The following RIMS2 variants were observed in gnomAD, a reference collection of about 807,000 sequenced individuals.
RIMS2 encodes the protein regulating synaptic membrane exocytosis protein 2.
A neutral mutation model predicts 174.4 loss-of-function variants in RIMS2; 59 were observed. That is an observed-to-expected ratio of 0.34 (90% CI 0.27 to 0.42). The LOEUF (loss-of-function observed/expected upper bound fraction) is 0.42. RIMS2 is among the 10% of genes least tolerant of loss of function. The probability of loss-of-function intolerance (pLI) is 1.00; values close to 1 mark genes in which losing one functional copy is unlikely to be tolerated. For synonymous variants in RIMS2, 606 were observed against 572.5 expected (o/e 1.06, Z -0.84); for missense variants, 1,620 against 1,666.3 (o/e 0.97, Z 0.48).
chr8:104,164,808 G>A (rs2135027776), intron 19 of RIMS2, among the ~76,000 whole-genome samples: 1 of 152,246 alleles, frequency 6.6e-6, no homozygotes, highest in East Asian at 1.9e-4. Flanking sequence ...TCAGAGGGCA[G>A]AGGTTGGGAG....
chr8:103,826,669 C>A (rs1176983616), intron 3 of RIMS2, among the ~76,000 whole-genome samples: 1 of 149,588 alleles, frequency 6.7e-6, no homozygotes, highest in East Asian at 1.9e-4. Context: ...TCCAGGTCTT[C>A]TGCATATATA....
intron 1 of RIMS2, among the ~76,000 whole-genome samples, chr8:103,642,497 C>T (rs948196954): frequency 2.0e-5 from 3 of 151,878 alleles, no homozygotes; most frequent in Non-Finnish European, 4.4e-5. Flanking sequence ...TTATTTTTTC[C>T]TTCCCTAATG....
At chr8:103,579,197 G>A (rs941643176) in intron 1 of RIMS2, among the ~76,000 whole-genome samples, 1 of 151,744 alleles carries the variant, frequency 6.6e-6, no homozygotes, top group Admixed American at 6.6e-5. Context: ...GAGCCTGGGA[G>A]TTCAGGACGA....
chr8:103,852,715 T>C (rs1407077079), intron 3 of RIMS2, among the ~76,000 whole-genome samples: 2 of 152,092 alleles, frequency 1.3e-5, no homozygotes, highest in Non-Finnish European at 2.9e-5. Context: ...GCTTTATTCA[T>C]GTTGCTGCAA....
chr8:103,856,781 A>T (rs1437709102), intron 3 of RIMS2, among the ~76,000 whole-genome samples: 1 of 152,106 alleles, frequency 6.6e-6, no homozygotes, highest in Non-Finnish European at 1.5e-5. Context: ...CTGGTGAAAT[A>T]GTATAGATAA....
intron 1 of RIMS2, among the ~76,000 whole-genome samples, chr8:103,597,603 A>G (rs897626412): frequency 6.6e-6 from 1 of 152,048 alleles, no homozygotes; most frequent in Non-Finnish European, 1.5e-5. Flanking sequence ...TGTCCCTAAT[A>G]ATTATCCCTC....
chr8:104,129,629 G>A (rs1405711174), intron 19 of RIMS2, among the ~76,000 whole-genome samples: 1 of 152,152 alleles, frequency 6.6e-6, no homozygotes, highest in African/African-American at 2.4e-5. Context: ...AAAGAACTGA[G>A]GACTGTTGTG....
chr8:104,225,834 C>G, intron 19 of RIMS2, among the ~76,000 whole-genome samples: 1 of 152,298 alleles, frequency 6.6e-6, no homozygotes, highest in Admixed American at 6.5e-5. Flanking sequence ...AGAGGAGACA[C>G]TCTCCATAAA....
intron 19 of RIMS2, among the ~76,000 whole-genome samples, chr8:104,094,110 T>G (rs1440360247): frequency 6.6e-6 from 1 of 152,016 alleles, no homozygotes; most frequent in Non-Finnish European, 1.5e-5. Context: ...AATTTATACA[T>G]ATAGTATATA....
chr8:103,652,888 G>C (rs1156954034), intron 1 of RIMS2, among the ~76,000 whole-genome samples, 178 bp downstream of exon 3: 9 of 152,008 alleles, frequency 5.9e-5, no homozygotes, highest in Admixed American at 5.9e-4. Flanking sequence ...ATAATTAATA[G>C]GGTAGTAAAA....
chr8:103,533,024 A>G (rs1218158086), intron 1 of RIMS2, among the ~76,000 whole-genome samples: 1 of 152,238 alleles, frequency 6.6e-6, no homozygotes, highest in Non-Finnish European at 1.5e-5. Context: ...CAGACTAAGC[A>G]TTGATCACAA....
Position 104,238,980 on chromosome 8 carries a change from A to G in RIMS2, c.3335-5936A>G, listed in dbSNP as rs1203164190. The stretch of plus-strand genomic sequence containing the variant: ...CCTGTTTCCATAAACCATTTTCCAT[A>G]TTGACATTGAGAAAACCCTGAATCC... On this transcript the variant is annotated intron_variant, in intron 19 of 23. Coordinates refer to ENST00000504942, the Ensembl canonical transcript of RIMS2. Among the ~76,000 whole-genome samples the G allele has an allele frequency of 2.6e-5, 4 of 152,194 alleles. No individual in the cohort carries two copies. The East Asian group carries it at 7.7e-4, about 29-fold the overall frequency.
At chr8:103,768,327 T>C (rs960575851) in intron 3 of RIMS2, 2 of 664,184 alleles carry the variant, frequency 3.0e-6, no homozygotes, top group Non-Finnish European at 2.8e-6. Flanking sequence ...CAGAAACTCA[T>C]TGAAGTGGAT....
intron 2 of RIMS2, among the ~76,000 whole-genome samples, chr8:103,743,345 A>G (rs1190574664): frequency 1.3e-5 from 2 of 152,184 alleles, no homozygotes; most frequent in Non-Finnish European, 2.9e-5. Context: ...GAAAATTATG[A>G]TGACTCCAGA....
intron 1 of RIMS2, among the ~76,000 whole-genome samples, chr8:103,684,329 TC>T (rs2096913679): frequency 6.6e-6 from 1 of 152,310 alleles, no homozygotes; most frequent in South Asian, 2.1e-4. Context: ...GCCAGTTCTA[TC>T]CCACTGCCTG....
At chr8:103,667,328 T>C (rs528045421) in intron 1 of RIMS2, among the ~76,000 whole-genome samples, 137 of 152,330 alleles carry the variant, frequency 9.0e-4, no homozygotes, top group African/African-American at 3.2e-3. Context: ...TGTGCACCCA[T>C]AGTCTTTGCA....
intron 1 of RIMS2, among the ~76,000 whole-genome samples, chr8:103,667,868 T>G (rs2096692990): frequency 6.6e-6 from 1 of 152,178 alleles, no homozygotes; most frequent in Admixed American, 6.5e-5. Context: ...TCTTCTGAGT[T>G]GTGAGATTAC....
intron 13 of RIMS2, among the ~76,000 whole-genome samples, chr8:103,940,906 G>T: frequency 1.3e-5 from 2 of 149,708 alleles, no homozygotes; most frequent in East Asian, 2.0e-4. Flanking sequence ...AAAATCCCTT[G>T]TGTGACCTTT....
At chr8:103,528,996 T>C (rs1275581392) in intron 1 of RIMS2, among the ~76,000 whole-genome samples, 1 of 152,226 alleles carries the variant, frequency 6.6e-6, no homozygotes, top group Non-Finnish European at 1.5e-5. Flanking sequence ...ATGGCCAGTT[T>C]CACGATACTG....
Sources: allele counts gnomAD v4.1 joint callset (sites outside exome capture counted in the v4.1 genomes callset), GRCh38; gene constraint gnomAD v4.1.1; transcripts MANE v1.5; gene names NCBI Gene and HGNC (gene_info 2026-07-23, HGNC 2026-07-21).